SAV1: variants seen among roughly 807,000 people sequenced by gnomAD.
SAV1 encodes salvador family WW domain containing protein 1, also known as protein salvador homolog 1.
In SAV1, 23 loss-of-function variants were observed where a neutral mutation model predicts 47.3. The ratio of observed to expected loss-of-function variants is 0.49; its 90% confidence interval spans 0.35 to 0.69. The LOEUF is 0.69. Ranked by LOEUF, SAV1 falls within the 30% of genes least tolerant of loss-of-function variation. The pLI is 0.01. For missense variants in SAV1, 448 were observed against 457.4 expected (o/e 0.98, Z 0.19); for synonymous variants, 155 against 159.2 (o/e 0.97, Z 0.20).
chr14:50,652,248 T>G (rs541705005), intron 2 of SAV1, among the ~76,000 whole-genome samples: 3,206 of 152,350 alleles, frequency 0.021, 119 homozygotes, highest in African/African-American at 0.073. Context: ...AATTAAACAT[T>G]TTTTTAAAAA....
chr14:50,664,173 T>C (rs1301350791), intron 2 of SAV1: 10 of 152,276 alleles, frequency 6.6e-5, no homozygotes, highest in Non-Finnish European at 1.5e-4. Context: ...TTGGTTTTGT[T>C]TCCACAAATA....
intron 2 of SAV1, among the ~76,000 whole-genome samples, chr14:50,647,491 G>A (rs34720818): frequency 0.18 from 26,882 of 151,906 alleles, 2,714 homozygotes; most frequent in Admixed American, 0.25. Context: ...AAGATTTCAG[G>A]TCTGTAGCAC....
intron 2 of SAV1, among the ~76,000 whole-genome samples, chr14:50,659,966 A>C (rs1218816032): frequency 6.6e-6 from 1 of 152,172 alleles, no homozygotes; most frequent in African/African-American, 2.4e-5. Context: ...TGGTGATCTC[A>C]CCTCCTGCAA....
At chr14:50,645,172 G>A (rs977284913) in intron 2 of SAV1, among the ~76,000 whole-genome samples, 158 bp from the exon 3 acceptor site, 1 of 152,078 alleles carries the variant, frequency 6.6e-6, no homozygotes, top group African/African-American at 2.4e-5. Context: ...AAACTAGTCG[G>A]TATTACTATT....
At chr14:50,643,605 C>A (rs976308201) in intron 3 of SAV1, among the ~76,000 whole-genome samples, 1 of 152,140 alleles carries the variant, frequency 6.6e-6, no homozygotes, top group African/African-American at 2.4e-5. Context: ...TGTCAACGAA[C>A]AGAAAAGTAA....
At chr14:50,637,138 T>C (rs536777451) in intron 4 of SAV1, among the ~76,000 whole-genome samples, 36 of 152,320 alleles carry the variant, frequency 2.4e-4, no homozygotes, top group African/African-American at 7.2e-4. Context: ...ATGCAAAAAC[T>C]GGAAGGTAAA....
chr14:50,651,196 T>C (rs2039766775), intron 2 of SAV1, among the ~76,000 whole-genome samples: 1 of 152,200 alleles, frequency 6.6e-6, no homozygotes, highest in African/African-American at 2.4e-5. Context: ...AATAAATGTT[T>C]ATTGTTTTAT....
In SAV1 at chr14:50,665,483, T is replaced by C. The variant is rs776035360; in HGVS notation, c.231A>G (p.Pro77=). The change falls in exon 2 of 5, where the codon CCA becomes CCG. Residue 77 remains proline (P), a synonymous_variant. Transcript: ENST00000324679. ...VSRNQSFLRT[P]IQRTPHEIMR... is the part of the protein sequence containing the mutation. ...TTATTTCATGAGGTGTTCTTTGAAT[T>C]GGAGTTCTAAGGAAACTCTGGTTTC... 36 of 1,614,070 alleles carry C rather than the reference T, an allele frequency of 2.2e-5. No homozygotes were observed. Among genetic ancestry groups the C allele is most frequent in the Non-Finnish European group, 3.0e-5 (35 of 1,179,934 alleles).
intron 2 of SAV1, among the ~76,000 whole-genome samples, chr14:50,656,170 T>C (rs1156259943): frequency 6.6e-6 from 1 of 152,204 alleles, no homozygotes; most frequent in African/African-American, 2.4e-5. Flanking sequence ...CCACATGTAC[T>C]CTTACATTTA....
intron 2 of SAV1, among the ~76,000 whole-genome samples, chr14:50,657,004 C>T (rs2039818251): frequency 6.7e-6 from 1 of 149,842 alleles, no homozygotes; most frequent in African/African-American, 2.5e-5. Context: ...GTGGGAAAAG[C>T]ACAGAACACA....
chr14:50,665,320 G>A lies in SAV1; in HGVS notation c.394C>T (p.Arg132Ter), dbSNP rs778886700. Reference sequence around the variant, plus strand: ...AAAAAATTGTCTGAATAATAATATCGGGAACCAGAGTCTCCATTTTCAACA... The same window carrying A: ...AAAAAATTGTCTGAATAATAATATCAGGAACCAGAGTCTCCATTTTCAACA... Reference protein sequence around the residue: ...FAVENGDSGSRYYYSDNFFDG... With the variant: ...FAVENGDSGS Residue 132 changes from arginine to a stop codon, truncating the protein, a stop_gained, in exon 2 of 5, where the codon CGA becomes TGA. Transcript: ENST00000324679. LOFTEE classifies it high-confidence loss of function. The A allele has an allele frequency of 2.5e-6, 4 of 1,613,470 alleles. No individual in the cohort carries two copies. The highest frequency in any genetic ancestry group is 2.7e-5 in the African/African-American group (2 of 74,834).
intron 2 of SAV1, among the ~76,000 whole-genome samples, chr14:50,646,904 C>A (rs941047925): frequency 2.0e-5 from 3 of 151,964 alleles, no homozygotes; most frequent in African/African-American, 4.8e-5. Flanking sequence ...GAAGAACAGA[C>A]AAATAGATAA....
intron 3 of SAV1, 118 bp downstream of exon 3, chr14:50,644,626 T>A: frequency 1.1e-6 from 1 of 947,272 alleles, no homozygotes. Flanking sequence ...AATTTTGAAA[T>A]ATAAGGCTTT....
chr14:50,640,514 C>G (rs918558584), intron 4 of SAV1, among the ~76,000 whole-genome samples: 3 of 152,292 alleles, frequency 2.0e-5, no homozygotes, highest in Middle Eastern at 3.4e-3. Context: ...TCCCTAATAG[C>G]AGAGGCCCGC....
intron 2 of SAV1, chr14:50,664,267 T>C (rs1406529647): frequency 2.6e-5 from 4 of 151,868 alleles, no homozygotes; most frequent in African/African-American, 9.7e-5. Flanking sequence ...TAATATTAAA[T>C]GAATAAATTT....
intron 4 of SAV1, among the ~76,000 whole-genome samples, chr14:50,636,613 T>C (rs1266689178): frequency 1.3e-5 from 2 of 152,182 alleles, no homozygotes; most frequent in Non-Finnish European, 1.5e-5. Context: ...GTCGGCTACA[T>C]AGTTCCATTT....
intron 4 of SAV1, among the ~76,000 whole-genome samples, chr14:50,638,399 T>G (rs751511412): frequency 6.6e-6 from 1 of 152,190 alleles, no homozygotes; most frequent in Non-Finnish European, 1.5e-5. Context: ...AGGGCAGTAT[T>G]CTATTCAAAT....
intron 1 of SAV1, chr14:50,667,558 T>A (rs902478575): frequency 2.0e-6 from 1 of 491,104 alleles, no homozygotes; most frequent in African/African-American, 2.0e-5. Flanking sequence ...CATTAGGTGA[T>A]AAGCAATTTA....
intron 2 of SAV1, among the ~76,000 whole-genome samples, chr14:50,645,643 G>A (rs945428659): frequency 6.6e-6 from 1 of 151,904 alleles, no homozygotes; most frequent in African/African-American, 2.4e-5. Context: ...TCAACCTGTG[G>A]CAGTAAAGCT....
Sources: gnomAD v4.1 joint callset for allele counts (sites outside exome capture counted in the v4.1 genomes callset) on GRCh38, gnomAD v4.1.1 for gene constraint, MANE v1.5 for transcripts, NCBI Gene and HGNC (gene_info 2026-07-23, HGNC 2026-07-21) for gene names.